VTI1A: variants seen among roughly 807,000 people sequenced by gnomAD.
VTI1A encodes vesicle transport through interaction with t-SNAREs homolog 1A.
A neutral mutation model predicts 34.9 loss-of-function variants in VTI1A; 22 were observed. The observed-to-expected ratio is 0.63, with a 90% CI of 0.45 to 0.90. The LOEUF is 0.90. Ranked by LOEUF, VTI1A falls within the 40% of genes least tolerant of loss-of-function variation. The probability of loss-of-function intolerance (pLI) is 0.00; values close to 1 mark genes in which losing one functional copy is unlikely to be tolerated. For synonymous variants in VTI1A, 87 were observed against 97.3 expected, an observed-to-expected ratio of 0.89 and a Z score of 0.62; for missense variants, 268 against 275.6, an observed-to-expected ratio of 0.97 and a Z score of 0.20.
chr10:112,699,568 C>T (rs189024965), intron 7 of VTI1A, among the ~76,000 whole-genome samples: 16 of 152,358 alleles, frequency 1.1e-4, no homozygotes, highest in Admixed American at 2.6e-4. Flanking sequence ...CATGGTGGCT[C>T]ACGCCTATAA....
chr10:112,575,018 A>G (rs931101779), intron 5 of VTI1A, among the ~76,000 whole-genome samples: 2 of 152,234 alleles, frequency 1.3e-5, no homozygotes, highest in Admixed American at 1.3e-4. Flanking sequence ...TAGCTTGCCC[A>G]TGTTTACACA....
At chr10:112,699,518 A>G (rs916102908) in intron 7 of VTI1A, among the ~76,000 whole-genome samples, 1 of 152,228 alleles carries the variant, frequency 6.6e-6, no homozygotes, top group African/African-American at 2.4e-5. Flanking sequence ...TGTTTTAGCC[A>G]TCTTTTTGGA....
At chr10:112,708,827 G>A (rs1186790550) in intron 7 of VTI1A, among the ~76,000 whole-genome samples, 1 of 152,082 alleles carries the variant, frequency 6.6e-6, no homozygotes, top group African/African-American at 2.4e-5. Flanking sequence ...TTCCCACTTC[G>A]CCGTTTGCCG....
intron 7 of VTI1A, among the ~76,000 whole-genome samples, chr10:112,781,319 A>G (rs1852119523): frequency 1.3e-5 from 2 of 152,198 alleles, no homozygotes; most frequent in African/African-American, 4.8e-5. Flanking sequence ...GTCCTACAGC[A>G]GCTACAGAGA....
intron 5 of VTI1A, among the ~76,000 whole-genome samples, chr10:112,633,013 AAATATTTGTTACAAAAAGGTGGTCTG>A: frequency 6.6e-6 from 1 of 152,188 alleles, no homozygotes; most frequent in Non-Finnish European, 1.5e-5. Flanking sequence ...ATCCTGTGTG[AAATATTTGTTACAAAAAGGTGGTCTG>A]GGCTGGGCGT....
chr10:112,459,733 T>A (rs1589792277), intron 1 of VTI1A, among the ~76,000 whole-genome samples: 1 of 152,078 alleles, frequency 6.6e-6, no homozygotes, highest in Admixed American at 6.6e-5. Context: ...GGAATGAGGG[T>A]ATGGGAAAGC....
chr10:112,673,367 A>G (rs919602804), intron 7 of VTI1A, among the ~76,000 whole-genome samples: 4 of 151,906 alleles, frequency 2.6e-5, no homozygotes, highest in Non-Finnish European at 5.9e-5. Flanking sequence ...GGCATAGATG[A>G]TTAACACCCA....
intron 5 of VTI1A, among the ~76,000 whole-genome samples, chr10:112,559,464 G>A (rs889520922): frequency 1.3e-5 from 2 of 152,102 alleles, no homozygotes; most frequent in African/African-American, 4.8e-5. Flanking sequence ...AAAAGGTAGA[G>A]CGATGGTGTA....
intron 1 of VTI1A, 27 bp downstream of exon 1, chr10:112,447,494 G>C: frequency 6.2e-7 from 1 of 1,610,274 alleles, no homozygotes; most frequent in Non-Finnish European, 8.5e-7. Flanking sequence ...GCTGGACGAG[G>C]GTGCTGGGGA....
intron 5 of VTI1A, among the ~76,000 whole-genome samples, chr10:112,599,736 C>T (rs376512391): frequency 3.9e-5 from 6 of 152,190 alleles, no homozygotes; most frequent in Admixed American, 6.5e-5. Flanking sequence ...CATACCATTC[C>T]GTCCAGCTAA....
chr10:112,601,897 T>C (rs928044329), intron 5 of VTI1A, among the ~76,000 whole-genome samples: 1 of 152,188 alleles, frequency 6.6e-6, no homozygotes, highest in Middle Eastern at 3.2e-3. Flanking sequence ...TGATTACAAC[T>C]AGGGTCCCTT....
At chr10:112,679,227 A>G (rs1235655125) in intron 7 of VTI1A, among the ~76,000 whole-genome samples, 3 of 152,176 alleles carry the variant, frequency 2.0e-5, no homozygotes, top group African/African-American at 7.2e-5. Context: ...TTTCCCAGAA[A>G]TGTTTTCCAG....
chr10:112,782,517 T>C (rs1218339420), intron 7 of VTI1A, among the ~76,000 whole-genome samples: 4 of 152,240 alleles, frequency 2.6e-5, no homozygotes, highest in African/African-American at 9.6e-5. Flanking sequence ...GGCATATTAG[T>C]GAAGTCTGGC....
At chr10:112,831,801 C>T in the VTI1A span, 1 of 152,106 alleles carries the variant, frequency 6.6e-6, no homozygotes, top group Non-Finnish European at 1.5e-5. Context: ...TATCAAAATC[C>T]CTCCTTGACC....
At chr10:112,657,661 A>G (rs763903206) in intron 5 of VTI1A, among the ~76,000 whole-genome samples, 13 of 152,234 alleles carry the variant, frequency 8.5e-5, no homozygotes, top group Non-Finnish European at 1.6e-4. Context: ...AACTCTTAGA[A>G]GAAAATACAG....
At chr10:112,687,350 C>T (rs1433035162) in intron 7 of VTI1A, among the ~76,000 whole-genome samples, 4 of 149,416 alleles carry the variant, frequency 2.7e-5, no homozygotes, top group Non-Finnish European at 1.5e-5. Flanking sequence ...TCTCCTGCCT[C>T]AGCCTCCCGA....
chr10:112,596,176 G>C (rs534582118), intron 5 of VTI1A, among the ~76,000 whole-genome samples: 2 of 151,532 alleles, frequency 1.3e-5, no homozygotes, highest in Non-Finnish European at 2.9e-5. Context: ...GTGGAGTGAG[G>C]GGGGAGGGAT....
chr10:112,684,470 A>G (rs1170390364), intron 7 of VTI1A, among the ~76,000 whole-genome samples: 1 of 129,802 alleles, frequency 7.7e-6, no homozygotes, highest in Non-Finnish European at 1.5e-5. Flanking sequence ...ACAGAGTCTC[A>G]TTCTGTCACC....
intron 3 of VTI1A, among the ~76,000 whole-genome samples, chr10:112,478,246 T>C (rs1447607937): frequency 6.6e-6 from 1 of 152,186 alleles, no homozygotes; most frequent in Admixed American, 6.5e-5. Flanking sequence ...GCCCAGGCAG[T>C]GTAGATTGGA....
Sources: allele counts gnomAD v4.1 joint callset (sites outside exome capture counted in the v4.1 genomes callset), GRCh38; gene constraint gnomAD v4.1.1; transcripts MANE v1.5; gene names NCBI Gene and HGNC (gene_info 2026-07-23, HGNC 2026-07-21).